The following CNTN6 variants were observed in gnomAD, a reference collection of about 807,000 sequenced individuals.
CNTN6 encodes contactin-6.
A neutral mutation model predicts 122.8 loss-of-function variants in CNTN6; 137 were observed. That is an observed-to-expected ratio of 1.12 (90% CI 0.97 to 1.29). CNTN6 has a LOEUF of 1.29. Ranked by LOEUF, CNTN6 falls within the 50% of genes most tolerant of loss-of-function variation. The pLI, the probability that CNTN6 is intolerant of heterozygous loss-of-function variation, is 0.00. For missense variants in CNTN6, 1,634 were observed against 1,223.4 expected, an observed-to-expected ratio of 1.34 and a Z score of -5.01; for synonymous variants, 570 against 426.0, an observed-to-expected ratio of 1.34 and a Z score of -4.16.
At chr3:1,277,153 T>C (rs1272512348) in intron 4 of CNTN6, among the ~76,000 whole-genome samples, 1 of 152,098 alleles carries the variant, frequency 6.6e-6, no homozygotes, top group Non-Finnish European at 1.5e-5. Context: ...GAATAGATCT[T>C]GGTAGACAAT....
intron 20 of CNTN6, among the ~76,000 whole-genome samples, chr3:1,388,114 C>T (rs1693396332): frequency 6.6e-6 from 1 of 152,152 alleles, no homozygotes; most frequent in Non-Finnish European, 1.5e-5. Context: ...GGGCAGGGCA[C>T]AGACAAACAA....
chr3:1,372,863 G>C lies in CNTN6; in HGVS notation c.1694G>C (p.Arg565Thr). 1 of 1,606,566 alleles carries C rather than the reference G, an allele frequency of 6.2e-7. No homozygotes were observed. Among genetic ancestry groups the C allele is most frequent in the Non-Finnish European group, 8.5e-7 (1 of 1,175,318 alleles). Reference sequence around the variant, plus strand: ...GAATCTGTTGGGGATTTGATGATAAGGAATATTCAGTTACATCATTCAGGA... The same window carrying C: ...GAATCTGTTGGGGATTTGATGATAACGAATATTCAGTTACATCATTCAGGA... ...GGESVGDLMI[R>T]NIQLHHSGKY... Residue 565 changes from arginine (R) to threonine (T), a missense_variant, in exon 14 of 23, where the codon AGG becomes ACG. Arg to Thr is a moderately conservative substitution (Grantham distance 71, BLOSUM62 -1). Transcript: ENST00000446702.
intron 2 of CNTN6, among the ~76,000 whole-genome samples, chr3:1,164,935 G>T (rs776052543): frequency 2.0e-5 from 3 of 152,160 alleles, no homozygotes; most frequent in Non-Finnish European, 2.9e-5. Context: ...GCTTAACCTT[G>T]ATTTTTAGTG....
At chr3:1,167,733 A>C (rs1049388065) in intron 2 of CNTN6, among the ~76,000 whole-genome samples, 4 of 152,176 alleles carry the variant, frequency 2.6e-5, no homozygotes, top group Non-Finnish European at 4.4e-5. Context: ...TGGGATTTGA[A>C]TGCAGGCTGT....
intron 2 of CNTN6, among the ~76,000 whole-genome samples, chr3:1,169,704 T>G (rs1280059204): frequency 2.0e-5 from 3 of 152,182 alleles, no homozygotes; most frequent in African/African-American, 7.2e-5. Context: ...CCTTTAAACA[T>G]TTGTGCCAAT....
intron 8 of CNTN6, among the ~76,000 whole-genome samples, chr3:1,322,699 C>T (rs1701031356): frequency 6.6e-6 from 1 of 151,074 alleles, no homozygotes; most frequent in Non-Finnish European, 1.5e-5. Flanking sequence ...GTAATTATCC[C>T]ATAGGAATGT....
Position 1,245,296 on chromosome 3 carries a change from A to G in CNTN6, c.358+17303A>G, listed in dbSNP as rs1300431776. 1.2e-3 allele frequency among the ~76,000 whole-genome samples: 2 copies of G among 1,700 alleles called. 1 individual carries two copies. The highest frequency in any genetic ancestry group is 0.017 in the East Asian group (2 of 120). The allele number at this position is 1,700 out of a possible 152,430, so 1.1% of individuals were successfully genotyped here. A position where few individuals can be genotyped will look rare whatever the true frequency, so the allele number is the denominator to read the frequency against. On this transcript the variant is annotated intron_variant, in intron 4 of 22. Transcript: ENST00000446702. Reference sequence around the variant, plus strand: ...ATATACACACACATATATATATAACATATATATATATATATATATATATAT... The same window carrying G: ...ATATACACACACATATATATATAACGTATATATATATATATATATATATAT...
Position 1,167,626 on chromosome 3 carries a change from A to G in CNTN6, c.55+19563A>G, listed in dbSNP as rs560403822. 4.6e-5 allele frequency among the ~76,000 whole-genome samples: 7 copies of G among 152,258 alleles called. No individual in the cohort carries two copies. In the East Asian group the frequency reaches 1.4e-3, roughly 30 times the overall value. On this transcript the variant is annotated intron_variant, in intron 2 of 22. Coordinates refer to ENST00000446702, the MANE Select transcript of CNTN6 (RefSeq NM_001289080.2). The stretch of plus-strand genomic sequence containing the variant: ...AGCTTAAACATACCGTAAGTCCCTC[A>G]GGTGGGCAAATTGTATTGGCCCCAT...
intron 7 of CNTN6, among the ~76,000 whole-genome samples, chr3:1,321,344 A>T (rs1700815011): frequency 6.6e-6 from 1 of 151,614 alleles, no homozygotes; most frequent in Non-Finnish European, 1.5e-5. Flanking sequence ...TGTTTTTATT[A>T]TTTGTTTATG....
chr3:1,315,731 C>T (rs1466506642), intron 7 of CNTN6, among the ~76,000 whole-genome samples: 2 of 151,970 alleles, frequency 1.3e-5, no homozygotes, highest in Admixed American at 6.6e-5. Context: ...GAAAAAGGTC[C>T]TCCACACCCA....
intron 11 of CNTN6, among the ~76,000 whole-genome samples, chr3:1,348,157 C>CCAAAAAAAAAAAAAA (rs1705039116): frequency 1.6e-5 from 1 of 64,300 alleles, no homozygotes; most frequent in Non-Finnish European, 2.8e-5. Context: ...ATGCTATAGA[C>CCAAAAAAAAAAAAAA]AAAAAAAAAA....
chr3:1,235,885 T>G (rs1575352601), intron 4 of CNTN6, among the ~76,000 whole-genome samples: 1 of 149,898 alleles, frequency 6.7e-6, no homozygotes, highest in South Asian at 2.1e-4. Context: ...ATGGTGGGAG[T>G]GAGACTGGCC....
intron 5 of CNTN6, among the ~76,000 whole-genome samples, chr3:1,289,549 C>T (rs886990070): frequency 3.9e-5 from 6 of 152,186 alleles, no homozygotes; most frequent in African/African-American, 1.2e-4. Context: ...TTTCTCCAGA[C>T]TCCAACACAC....
Position 1,373,677 on chromosome 3 carries a change from A to G in CNTN6, c.1860A>G (p.Ala620=), listed in dbSNP as rs763441505. ...SSTTSQLSWR[A]GPDNNSPIQI... is the part of the protein sequence containing the mutation. ...CTACTTCTCAACTAAGTTGGAGAGC[A>G]GGCCCAGATAATAACAGTCCCATTC... The change falls in exon 15 of 23, where the codon GCA becomes GCG. Residue 620 remains alanine, a synonymous_variant. Coordinates refer to ENST00000446702, the MANE Select transcript of CNTN6 (RefSeq NM_001289080.2). The G allele has an allele frequency of 6.2e-7, 1 of 1,613,216 alleles. No individual in the cohort carries two copies. The highest frequency in any genetic ancestry group is 1.3e-5 in the African/African-American group (1 of 74,972).
chr3:1,297,509 A>AT, intron 6 of CNTN6, among the ~76,000 whole-genome samples: 1 of 152,134 alleles, frequency 6.6e-6, no homozygotes, highest in Non-Finnish European at 1.5e-5. Flanking sequence ...GAATATTTAC[A>AT]TTTTTATCTC....
intron 1 of CNTN6, among the ~76,000 whole-genome samples, chr3:1,105,134 G>T (rs72993902): frequency 0.065 from 9,821 of 152,098 alleles, 420 homozygotes; most frequent in Non-Finnish European, 0.089. Context: ...CTCTGTACTT[G>T]CAGGCAGGTG....
intron 2 of CNTN6, among the ~76,000 whole-genome samples, chr3:1,217,620 A>G (rs539688693): frequency 8.5e-5 from 13 of 152,252 alleles, no homozygotes; most frequent in Non-Finnish European, 1.8e-4. Flanking sequence ...TCAAAATGCC[A>G]TAAATTCTGC....
Position 1,163,879 on chromosome 3 carries a change from A to G in CNTN6, c.55+15816A>G, listed in dbSNP as rs111517956. Among the ~76,000 whole-genome samples the G allele has an allele frequency of 2.2e-3, 339 of 152,326 alleles. 3 individuals carry two copies. The Middle Eastern group carries it at 0.024, about 11-fold the overall frequency. On this transcript the variant is annotated intron_variant, in intron 2 of 22. Transcript: ENST00000446702. ...TAAACACTTAGCCAATCTGTAATCA[A>G]TGGATTCATCTCAATTTAAACTACT...
chr3:1,240,367 G>A (rs1398361707), intron 4 of CNTN6, among the ~76,000 whole-genome samples: 1 of 152,138 alleles, frequency 6.6e-6, no homozygotes, highest in East Asian at 1.9e-4. Context: ...CTAAGGACAT[G>A]AATAGACAAT....
Sources: gnomAD v4.1 joint callset for allele counts (sites outside exome capture counted in the v4.1 genomes callset) on GRCh38, gnomAD v4.1.1 for gene constraint, MANE v1.5 for transcripts, NCBI Gene and HGNC (gene_info 2026-07-23, HGNC 2026-07-21) for gene names.